The following CD9 variants were observed in gnomAD, a reference collection of about 807,000 sequenced individuals.
CD9 encodes CD9 antigen.
In CD9, 10 loss-of-function variants were observed where a neutral mutation model predicts 31.4. The observed-to-expected ratio is 0.32, with a 90% CI of 0.20 to 0.54. The LOEUF is 0.54. Ranked by LOEUF, CD9 falls within the 20% of genes least tolerant of loss-of-function variation. The probability of loss-of-function intolerance (pLI) is 0.94; values close to 1 mark genes in which losing one functional copy is unlikely to be tolerated. For synonymous variants in CD9, 113 were observed against 114.1 expected, an observed-to-expected ratio of 0.99 and a Z score of 0.06; for missense variants, 259 against 300.1, an observed-to-expected ratio of 0.86 and a Z score of 1.01.
chr12:6,225,551 G>T lies in CD9; in HGVS notation c.175+17G>T. 1 of 1,505,078 alleles carries T rather than the reference G, an allele frequency of 6.6e-7. No homozygotes were observed. The highest frequency in any genetic ancestry group is 1.1e-5 in the South Asian group (1 of 88,904). 93.2% of individuals were successfully genotyped at this position (1,505,078 alleles called of 1,614,324 possible). ...TCTACACAGGTGAGGGACGGGGAAGGCTCAGTGAATTCAGACCCTGGCTCC... is the reference window on the plus strand; with the variant it reads ...TCTACACAGGTGAGGGACGGGGAAGTCTCAGTGAATTCAGACCCTGGCTCC... On this transcript the variant is annotated intron_variant, in intron 2 of 7. Transcript: ENST00000009180.
In CD9 at chr12:6,238,067, G is replaced by A. The variant is rs937361744; in HGVS notation, c.*239G>A. Reference sequence around the variant, plus strand: ...GTTTGCTTTGGTTTATATTTTTTCAGTTGTTTGTTTTTGCTTGTTATATTA... The same window carrying A: ...GTTTGCTTTGGTTTATATTTTTTCAATTGTTTGTTTTTGCTTGTTATATTA... On this transcript the variant is annotated 3_prime_UTR_variant, in exon 8 of 8. Transcript: ENST00000009180. 3 of 401,212 alleles carry A rather than the reference G, an allele frequency of 7.5e-6. No homozygotes were observed. The highest frequency in any genetic ancestry group is 6.2e-5 in the African/African-American group (3 of 48,212). The allele number at this position is 401,212 out of a possible 1,614,324, so 24.9% of individuals were successfully genotyped here.
chr12:6,236,414 A>T, intron 7 of CD9, 139 bp downstream of exon 7: 1 of 715,428 alleles, frequency 1.4e-6, no homozygotes, highest in Admixed American at 2.4e-5. Flanking sequence ...CCATTTTACC[A>T]CTAGGGAATG....
intron 1 of CD9, among the ~76,000 whole-genome samples, chr12:6,221,600 ATTG>A (rs1446423770): frequency 6.6e-6 from 1 of 152,056 alleles, no homozygotes; most frequent in Non-Finnish European, 1.5e-5. Context: ...TCCCTGAATA[ATTG>A]ACTTGGCACC....
intron 2 of CD9, among the ~76,000 whole-genome samples, chr12:6,227,522 C>G (rs1216683734): frequency 2.6e-5 from 4 of 152,126 alleles, no homozygotes; most frequent in African/African-American, 9.7e-5. Flanking sequence ...TTTTTGAGCC[C>G]CCTTCTTTGT....
At chr12:6,226,959 G>A (rs1177758316) in intron 2 of CD9, among the ~76,000 whole-genome samples, 2 of 152,138 alleles carry the variant, frequency 1.3e-5, no homozygotes, top group East Asian at 1.9e-4. Flanking sequence ...CAGGTCTGCC[G>A]GCAGGAGCAG....
intron 1 of CD9, chr12:6,200,782 C>T: frequency 4.5e-6 from 2 of 447,952 alleles, no homozygotes; most frequent in Middle Eastern, 5.8e-4. Context: ...GGGGGCTCAT[C>T]ACCGCCCAGC....
Position 6,225,739 on chromosome 12 carries a change from T to G in CD9, c.175+205T>G. 6 of 574,424 alleles carry G rather than the reference T, an allele frequency of 1.0e-5. No individual in the cohort carries two copies. The South Asian group carries it at 1.3e-4, about 12-fold the overall frequency. 35.6% of individuals were successfully genotyped at this position (574,424 alleles called of 1,614,324 possible). Reference sequence around the variant, plus strand: ...ATTTGCGTTTAACTGATGTGGTTTCTTTTCCTGATGGCCAAGTCAGGCATG... The same window carrying G: ...ATTTGCGTTTAACTGATGTGGTTTCGTTTCCTGATGGCCAAGTCAGGCATG... On this transcript the variant is annotated intron_variant, in intron 2 of 7. Transcript: ENST00000009180.
intron 4 of CD9, 95 bp downstream of exon 4, chr12:6,233,581 T>G: frequency 1.1e-6 from 1 of 951,668 alleles, no homozygotes; most frequent in South Asian, 1.3e-5. Flanking sequence ...TTTGTTCAGC[T>G]TTCAGCTGTT....
chr12:6,210,835 CT>C (rs143561091), intron 1 of CD9, among the ~76,000 whole-genome samples: 2,968 of 130,848 alleles, frequency 0.023, 41 homozygotes, highest in South Asian at 0.046. Context: ...AGTTGAGCAA[CT>C]TTTTTTTTTT....
chr12:6,223,327 T>G (rs1946317165), intron 1 of CD9, among the ~76,000 whole-genome samples: 1 of 150,848 alleles, frequency 6.6e-6, no homozygotes, highest in East Asian at 2.0e-4. Flanking sequence ...AGTGGCGCAA[T>G]CTCCGCTCAC....
chr12:6,237,840 ATCCCTGAGCAGGAAAGT>A lies in CD9; in HGVS notation c.*14_*30del. On this transcript the variant is annotated 3_prime_UTR_variant, in exon 8 of 8. Coordinates refer to ENST00000009180, the MANE Select transcript of CD9 (RefSeq NM_001769.4). ...GCGAGATGGTCTAGAGTCAGCTTACATCCCTGAGCAGGAAAGTTTACCCATGAAGATTGGTGGGATTT... is the reference window on the plus strand; with the variant it reads ...GCGAGATGGTCTAGAGTCAGCTTACATTACCCATGAAGATTGGTGGGATTT... The A allele has an allele frequency of 6.3e-7, 1 of 1,599,354 alleles. No homozygotes were observed. The highest frequency in any genetic ancestry group is 8.6e-7 in the Non-Finnish European group (1 of 1,166,978).
intron 1 of CD9, among the ~76,000 whole-genome samples, chr12:6,221,775 A>AG (rs1946294310): frequency 6.6e-6 from 1 of 150,434 alleles, no homozygotes; most frequent in Non-Finnish European, 1.5e-5. Context: ...CAGGAATTTA[A>AG]GACCAGCCTG....
At chr12:6,221,306 G>A (rs11064092) in intron 1 of CD9, among the ~76,000 whole-genome samples, 3,891 of 152,246 alleles carry the variant, frequency 0.026, 93 homozygotes, top group East Asian at 0.1. Context: ...GCAGGGCCGC[G>A]AGCTGGGAGT....
At chr12:6,237,722 A>T in intron 7 of CD9, 41 bp from the exon 8 acceptor site, 1 of 1,518,244 alleles carries the variant, frequency 6.6e-7, no homozygotes, top group Non-Finnish European at 9.1e-7. Context: ...CTTCCTTCAG[A>T]TCAAACCACC....
At chr12:6,216,848 A>C (rs1469093692) in intron 1 of CD9, among the ~76,000 whole-genome samples, 1 of 152,188 alleles carries the variant, frequency 6.6e-6, no homozygotes, top group Non-Finnish European at 1.5e-5. Context: ...CAGAGGGCCC[A>C]TGAATTGACC....
intron 6 of CD9, 97 bp from the exon 7 acceptor site, chr12:6,236,095 C>T: frequency 1.3e-6 from 2 of 1,557,462 alleles, no homozygotes; most frequent in Non-Finnish European, 1.7e-6. Flanking sequence ...ACCCTCTGCC[C>T]ACCAGTTCTC....
At chr12:6,230,208 G>A (rs968822060) in intron 2 of CD9, among the ~76,000 whole-genome samples, 2 of 152,080 alleles carry the variant, frequency 1.3e-5, no homozygotes, top group Admixed American at 6.6e-5. Context: ...CCCTTTTCCC[G>A]TGACTAGAGA....
chr12:6,237,639 T>A, intron 7 of CD9, 124 bp from the exon 8 acceptor site: 1 of 643,158 alleles, frequency 1.6e-6, no homozygotes. Flanking sequence ...CTGACTCGTT[T>A]GGCCTCCTGG....
intron 2 of CD9, among the ~76,000 whole-genome samples, chr12:6,230,481 C>A (rs1307293246): frequency 6.6e-6 from 1 of 152,264 alleles, no homozygotes; most frequent in Admixed American, 6.5e-5. Flanking sequence ...GAAAACATGT[C>A]TGCCTGTTCG....
Sources: allele counts gnomAD v4.1 joint callset (sites outside exome capture counted in the v4.1 genomes callset), GRCh38; gene constraint gnomAD v4.1.1; transcripts MANE v1.5; gene names NCBI Gene and HGNC (gene_info 2026-07-23, HGNC 2026-07-21).